The following ABAT variants were observed in gnomAD, a reference collection of about 807,000 sequenced individuals.
The protein encoded by ABAT is 4-aminobutyrate aminotransferase.
In ABAT, 45 loss-of-function variants were observed where a neutral mutation model predicts 64.6. The observed-to-expected ratio is 0.70, with a 90% CI of 0.55 to 0.89. The LOEUF is 0.89. ABAT is among the 40% of genes least tolerant of loss of function. ABAT has a pLI of 0.00. For synonymous variants in ABAT, 297 were observed against 250.5 expected (o/e 1.19, Z -1.75); for missense variants, 633 against 658.4 (o/e 0.96, Z 0.42).
rs111449459 is a variant in ABAT at position 8,758,433 on chromosome 16, G to A, written c.366+627G>A. ...GTCTCAGCAGAGAGAAGAGGGCAGCGGCAAGGGCAGCAGTGTGGCTGGAGC... is the reference window on the plus strand; with the variant it reads ...GTCTCAGCAGAGAGAAGAGGGCAGCAGCAAGGGCAGCAGTGTGGCTGGAGC... On this transcript the variant is annotated intron_variant, in intron 6 of 15. Coordinates refer to ENST00000268251, the MANE Select transcript of ABAT (RefSeq NM_020686.6). 2.6e-4 allele frequency among the ~76,000 whole-genome samples: 39 copies of A among 152,282 alleles called. 1 individual carries two copies. Among genetic ancestry groups the A allele is most frequent in the African/African-American group, 9.4e-4 (39 of 41,556 alleles).
chr16:8,764,143 G>C lies in ABAT; in HGVS notation c.441G>C (p.Leu147Phe), dbSNP rs747914194. 1.9e-6 allele frequency: 3 copies of C among 1,613,278 alleles called. No homozygotes were observed. In the South Asian group the frequency reaches 3.3e-5, roughly 18 times the overall value. The change falls in exon 7 of 16, where the codon TTG (leucine) becomes TTC (phenylalanine). Residue 147 changes from leucine to phenylalanine, a missense_variant. Physicochemically the swap from Leu to Phe is conservative, Grantham distance 22 (BLOSUM62 0). Transcript: ENST00000268251. This position sits in a 1 kb window ranked among gnomAD's most constrained non-coding sequence, Gnocchi z 4.2. The part of the protein sequence containing the change: ...ENFVEKLRQS[L>F]LSVAPKGMSQ... ...TTGTGGAGAAGCTCCGGCAGTCCTT[G>C]CTCTCGGTGAGTTCTGGAGAAGCAA...
At chr16:8,722,011 A>G (rs750112016) in intron 1 of ABAT, among the ~76,000 whole-genome samples, 5 of 152,230 alleles carry the variant, frequency 3.3e-5, no homozygotes, top group African/African-American at 7.2e-5. Flanking sequence ...AGCATTTGCT[A>G]TGTACCCTGA....
chr16:8,712,622 C>G (rs2058101518), intron 1 of ABAT, among the ~76,000 whole-genome samples: 2 of 152,154 alleles, frequency 1.3e-5, no homozygotes, highest in Admixed American at 1.3e-4. Flanking sequence ...TTTGTGGAGT[C>G]CCCTTTGGCC....
intron 1 of ABAT, among the ~76,000 whole-genome samples, chr16:8,720,335 C>T (rs1228556686): frequency 1.3e-5 from 2 of 152,238 alleles, no homozygotes; most frequent in African/African-American, 2.4e-5. Context: ...ACACTTTAGA[C>T]CCAATTTCTG....
intron 11 of ABAT, among the ~76,000 whole-genome samples, chr16:8,769,314 C>T (rs186775498): frequency 6.6e-6 from 1 of 152,214 alleles, no homozygotes; most frequent in East Asian, 1.9e-4. Context: ...CGCCTGTAAT[C>T]CCAGCACTTT....
At position 8,766,210 on chromosome 16, in the gene ABAT, C is replaced by G. The variant is rs144238624; in HGVS notation, c.543C>G (p.Ser181Arg). The G allele has an allele frequency of 3.1e-6, 5 of 1,613,778 alleles. No individual in the cohort carries two copies. The Admixed American group carries it at 5.0e-5, about 16-fold the overall frequency. Residue 181 changes from serine (S) to arginine (R), a missense_variant and splice_region_variant, in exon 9 of 16, where the codon AGC becomes AGG. By Grantham distance (110) the Ser-to-Arg change is moderately radical. Transcript: ENST00000268251. ...TTTGTTCTGTTCTATTGTTTCAGAGCAAGGAAAGAGGGCAGAGGGGCTTCT... is the reference window on the plus strand; with the variant it reads ...TTTGTTCTGTTCTATTGTTTCAGAGGAAGGAAAGAGGGCAGAGGGGCTTCT... ...ALKTIFMWYR[S>R]KERGQRGFSQ...
In ABAT at chr16:8,768,906, G is replaced by T. The variant is rs375002262; in HGVS notation, c.749G>T (p.Arg250Leu). 7 of 1,613,996 alleles carry T rather than the reference G, an allele frequency of 4.3e-6. No individual in the cohort carries two copies. The Middle Eastern group carries it at 6.6e-4, about 152-fold the overall frequency. Residue 250 changes from arginine to leucine, a missense_variant, in exon 11 of 16, where the codon CGG becomes CTG. Arg to Leu is a moderately radical substitution (Grantham distance 102). Transcript: ENST00000268251. ...GACTGGCCCATCGCACCGTTCCCAC[G>T]GCTGAAATACCCTCTGGAAGAGTTT... ...SFDWPIAPFP[R>L]LKYPLEEFVK...
chr16:8,721,087 C>G (rs8052663), intron 1 of ABAT, among the ~76,000 whole-genome samples: 6,210 of 152,256 alleles, frequency 0.041, 186 homozygotes, highest in East Asian at 0.11. Flanking sequence ...TCCCATTTTA[C>G]AGATCAGGAA....
chr16:8,767,902 C>T (rs2059992045), intron 9 of ABAT, among the ~76,000 whole-genome samples: 2 of 152,128 alleles, frequency 1.3e-5, no homozygotes, highest in Non-Finnish European at 2.9e-5. Context: ...TCCCAAACTC[C>T]TGACCTCCGA....
intron 2 of ABAT, among the ~76,000 whole-genome samples, chr16:8,741,141 T>C (rs2059151628): frequency 6.6e-6 from 1 of 152,246 alleles, no homozygotes; most frequent in Non-Finnish European, 1.5e-5. Context: ...ACCATTCACA[T>C]ATTGTGTCTG....
At chr16:8,691,932 A>G (rs1352188005) in intron 1 of ABAT, among the ~76,000 whole-genome samples, 1 of 152,218 alleles carries the variant, frequency 6.6e-6, no homozygotes, top group Non-Finnish European at 1.5e-5. Flanking sequence ...TGAATAAAAG[A>G]GCACAACTTC....
chr16:8,726,421 C>T (rs2058558233), intron 1 of ABAT, among the ~76,000 whole-genome samples: 1 of 151,974 alleles, frequency 6.6e-6, no homozygotes, highest in African/African-American at 2.4e-5. Flanking sequence ...TCACCACACC[C>T]AGATGATTTT....
chr16:8,731,070 C>G (rs898068931), intron 1 of ABAT, among the ~76,000 whole-genome samples: 5 of 152,136 alleles, frequency 3.3e-5, no homozygotes, highest in African/African-American at 9.7e-5. Flanking sequence ...TCAAGCGATT[C>G]TTGTGCCTCA....
intron 1 of ABAT, among the ~76,000 whole-genome samples, chr16:8,684,658 G>C (rs1218611114): frequency 6.6e-6 from 1 of 151,130 alleles, no homozygotes; most frequent in Non-Finnish European, 1.5e-5. Context: ...GGCCGAGCCA[G>C]GCTGCACTGA....
rs777269086 is a variant in ABAT, at chr16:8,768,186, G to T, written c.604-7G>T. On this transcript the variant is annotated splice_region_variant and splice_polypyrimidine_tract_variant and intron_variant, in intron 9 of 15. Transcript: ENST00000268251. Reference sequence around the variant, plus strand: ...TATGACTAATGACTGATATTTCTTGGTTTTAGGCCCCTGGCTGCCCCGACT... The same window carrying T: ...TATGACTAATGACTGATATTTCTTGTTTTTAGGCCCCTGGCTGCCCCGACT... 1 of 1,614,014 alleles carries T rather than the reference G, an allele frequency of 6.2e-7. No homozygotes were observed. The highest frequency in any genetic ancestry group is 8.5e-7 in the Non-Finnish European group (1 of 1,179,980).
At chr16:8,704,101 A>T (rs1439148370) in intron 1 of ABAT, among the ~76,000 whole-genome samples, 2 of 152,180 alleles carry the variant, frequency 1.3e-5, no homozygotes, top group African/African-American at 4.8e-5. Flanking sequence ...CTTTGTGTCA[A>T]CTGCAGGTGC....
chr16:8,728,483 G>C (rs1292302467), intron 1 of ABAT, among the ~76,000 whole-genome samples: 1 of 152,112 alleles, frequency 6.6e-6, no homozygotes, highest in African/African-American at 2.4e-5. Flanking sequence ...GGAAAGACAT[G>C]AACTGCACTT....
intron 1 of ABAT, chr16:8,713,791 T>C (rs1201187763): frequency 2.2e-6 from 1 of 451,060 alleles, no homozygotes; most frequent in East Asian, 7.0e-5. Context: ...GTTCCTGGCC[T>C]CTGCAGAATG....
At chr16:8,711,042 C>T (rs1462923097) in intron 1 of ABAT, among the ~76,000 whole-genome samples, 1 of 152,216 alleles carries the variant, frequency 6.6e-6, no homozygotes, top group Non-Finnish European at 1.5e-5. Context: ...AGTTCCCACT[C>T]ATGGACAATT....
Sources: gnomAD v4.1 joint callset for allele counts (sites outside exome capture counted in the v4.1 genomes callset) on GRCh38, gnomAD v4.1.1 for gene constraint, Gnocchi (gnomAD v3.1) non-coding constraint, MANE v1.5 for transcripts, NCBI Gene and HGNC (gene_info 2026-07-23, HGNC 2026-07-21) for gene names.